PTGFRN: variants seen among roughly 807,000 people sequenced by gnomAD.
PTGFRN encodes the protein prostaglandin F2 receptor inhibitor.
PTGFRN carries 35 observed loss-of-function variants against 83.2 expected under a neutral mutation model. The observed-to-expected ratio is 0.42, with a 90% CI of 0.32 to 0.56. PTGFRN has a LOEUF of 0.56. Ranked by LOEUF, PTGFRN falls within the 20% of genes least tolerant of loss-of-function variation. The pLI is 0.11. For missense variants in PTGFRN, 1,051 were observed against 1,179.5 expected, an observed-to-expected ratio of 0.89 and a Z score of 1.60; for synonymous variants, 519 against 498.6, an observed-to-expected ratio of 1.04 and a Z score of -0.55.
intron 5 of PTGFRN, chr1:116,962,221 TC>T (rs1163691377): frequency 6.5e-6 from 1 of 153,076 alleles, no homozygotes; most frequent in African/African-American, 2.4e-5. Context: ...GCCTCCTAGG[TC>T]CTCCGTTCAT....
chr1:116,945,385 C>G (rs1557739053), intron 3 of PTGFRN, among the ~76,000 whole-genome samples: 1 of 152,168 alleles, frequency 6.6e-6, no homozygotes, highest in East Asian at 1.9e-4. Flanking sequence ...ATCTTTCACT[C>G]AGAGTTGAGG....
Position 116,968,387 on chromosome 1 carries a change from A to G in PTGFRN, c.2059+1057A>G, listed in dbSNP as rs191793471. On this transcript the variant is annotated intron_variant, in intron 6 of 8. Transcript: ENST00000393203. ...TCTATTAATATTATTTTCTATTATTATAGCCTTTTATGGTATATAATATAT... is the reference window on the plus strand; with the variant it reads ...TCTATTAATATTATTTTCTATTATTGTAGCCTTTTATGGTATATAATATAT... Among the ~76,000 whole-genome samples the G allele has an allele frequency of 2.0e-4, 31 of 152,146 alleles. No individual in the cohort carries two copies. In the East Asian group the frequency reaches 5.4e-3, roughly 27 times the overall value.
At chr1:116,948,564 T>C (rs563234339) in intron 3 of PTGFRN, among the ~76,000 whole-genome samples, 3 of 152,348 alleles carry the variant, frequency 2.0e-5, no homozygotes, top group African/African-American at 4.8e-5. Flanking sequence ...CCCTTCTGTT[T>C]AGGATTTTTC....
At chr1:116,933,259 G>A (rs779819522) in intron 1 of PTGFRN, among the ~76,000 whole-genome samples, 2 of 148,526 alleles carry the variant, frequency 1.3e-5, no homozygotes, top group Non-Finnish European at 3.0e-5. Flanking sequence ...CAATTAGCTT[G>A]TTATTCAGTC....
Position 116,961,169 on chromosome 1 carries a change from C to T in PTGFRN, c.1214-74C>T, listed in dbSNP as rs768514513. Reference sequence around the variant, plus strand: ...TTGTTAAAACAAGAGCAGTCCTTGTCTCATTCCTTTTGTTAATTCTTGCCA... The same window carrying T: ...TTGTTAAAACAAGAGCAGTCCTTGTTTCATTCCTTTTGTTAATTCTTGCCA... On this transcript the variant is annotated intron_variant, in intron 4 of 8. Transcript: ENST00000393203. This position sits in a 1 kb window ranked among gnomAD's most constrained non-coding sequence, Gnocchi z 5.4. 3.5e-6 allele frequency: 5 copies of T among 1,425,098 alleles called. No homozygotes were observed. Among genetic ancestry groups the T allele is most frequent in the Non-Finnish European group, 4.7e-6 (5 of 1,065,316 alleles). 88.3% of individuals were successfully genotyped at this position (1,425,098 alleles called of 1,614,324 possible).
chr1:116,952,585 GTTA>G lies in PTGFRN; in HGVS notation c.1213+3018_1213+3020del, dbSNP rs1650378794. ...ATTGCAAGGTGGTTGGTATGAATTA[GTTA>G]TTATATTTGAGCACTGAATTTGCCT... On this transcript the variant is annotated intron_variant, in intron 4 of 8. Transcript: ENST00000393203. The surrounding 1 kb of genome is among the most constrained non-coding windows in gnomAD (Gnocchi z 4.0). 7.0e-6 allele frequency among the ~76,000 whole-genome samples: 1 copy of G among 142,286 alleles called. No individual in the cohort carries two copies. The highest frequency in any genetic ancestry group is 1.5e-5 in the Non-Finnish European group (1 of 65,326). 93.3% of individuals were successfully genotyped at this position (142,286 alleles called of 152,430 possible).
chr1:116,911,394 G>C (rs1304453023), intron 1 of PTGFRN, among the ~76,000 whole-genome samples: 1 of 152,188 alleles, frequency 6.6e-6, no homozygotes, highest in African/African-American at 2.4e-5. Context: ...TTCCAGAGGA[G>C]GCCTTCTATA....
chr1:116,989,711 A>G lies in PTGFRN; in HGVS notation c.*2744A>G, dbSNP rs1651654293. 2 of 152,468 alleles carry G rather than the reference A, an allele frequency of 1.3e-5. 1 individual carries two copies. Among genetic ancestry groups the G allele is most frequent in the Admixed American group, 1.3e-4 (2 of 15,264 alleles). 9.4% of individuals were successfully genotyped at this position (152,468 alleles called of 1,614,324 possible). ...ATGTTTACATACACGTTTCACTTTG[A>G]AAAAAAATGCAAATCGACTTTTTAA... On this transcript the variant is annotated 3_prime_UTR_variant, in exon 9 of 9. Coordinates refer to ENST00000393203, the MANE Select transcript of PTGFRN (RefSeq NM_020440.4).
chr1:116,944,243 A>C (rs1214247343), intron 2 of PTGFRN, among the ~76,000 whole-genome samples: 1 of 152,228 alleles, frequency 6.6e-6, no homozygotes, highest in Non-Finnish European at 1.5e-5. Flanking sequence ...AATGTTTGAC[A>C]GTCATACCCA....
intron 2 of PTGFRN, among the ~76,000 whole-genome samples, chr1:116,943,054 G>C (rs1439067285): frequency 1.3e-5 from 2 of 152,096 alleles, no homozygotes; most frequent in African/African-American, 2.4e-5. Flanking sequence ...GTTCCCAAAA[G>C]GATTTATGTC....
At chr1:116,947,175 A>G (rs1393789894) in intron 3 of PTGFRN, among the ~76,000 whole-genome samples, 1 of 152,216 alleles carries the variant, frequency 6.6e-6, no homozygotes, top group African/African-American at 2.4e-5. Flanking sequence ...TGCACTATCC[A>G]TAGCTGGCTG....
rs1462373600 is a variant in PTGFRN at position 116,961,898 on chromosome 1, G to A, written c.1639+230G>A. On this transcript the variant is annotated intron_variant, in intron 5 of 8. Coordinates refer to ENST00000393203, the MANE Select transcript of PTGFRN (RefSeq NM_020440.4). This position sits in a 1 kb window ranked among gnomAD's most constrained non-coding sequence, Gnocchi z 5.4. ...CTCCAACTCACTGTCAATCAGCCAA[G>A]TCTCTTGTTTCCTGAACTTTACCTC... Among the ~76,000 whole-genome samples, 3 of 152,118 alleles carry A rather than the reference G, an allele frequency of 2.0e-5. No individual in the cohort carries two copies. Among genetic ancestry groups the A allele is most frequent in the Non-Finnish European group, 4.4e-5 (3 of 68,026 alleles).
In PTGFRN at chr1:116,984,821, G is replaced by A. The variant is rs567066929; in HGVS notation, c.2309G>A (p.Arg770His). 3.4e-5 allele frequency: 55 copies of A among 1,614,126 alleles called. No homozygotes were observed. The Middle Eastern group carries it at 8.2e-4, about 24-fold the overall frequency. Residue 770 changes from arginine to histidine, a missense_variant, in exon 8 of 9, where the codon CGC becomes CAC. This residue lies in a region of PTGFRN where 719 missense variants were observed against 836.6 expected (regional missense o/e 0.86). Transcript: ENST00000393203. ...RDWKSDLSLE[R>H]VSVLEFLLQV... ...TGGAAGAGCGACCTCAGCCTGGAGC[G>A]CGTGAGTGTGCTGGAATTCTTGCTG... is the stretch of plus-strand genomic sequence containing the variant.
chr1:116,970,618 A>G (rs963570643), intron 6 of PTGFRN, among the ~76,000 whole-genome samples: 1 of 152,194 alleles, frequency 6.6e-6, no homozygotes, highest in Non-Finnish European at 1.5e-5. Context: ...TGTAGCTTCC[A>G]GGTTGAATAG....
chr1:116,910,049 A>C lies in PTGFRN; in HGVS notation c.-155A>C. On this transcript the variant is annotated 5_prime_UTR_variant, in exon 1 of 9. Coordinates refer to ENST00000393203, the MANE Select transcript of PTGFRN (RefSeq NM_020440.4). ...GGAGCCAGGGGCGCACGTACGCCCC[A>C]GCGCTGGGATTTATCGGCTCGCGAG... The C allele has an allele frequency of 2.5e-6, 2 of 815,616 alleles. No individual in the cohort carries two copies. The highest frequency in any genetic ancestry group is 2.0e-6 in the Non-Finnish European group (1 of 505,710). 50.5% of individuals were successfully genotyped at this position (815,616 alleles called of 1,614,324 possible).
At chr1:116,965,267 A>G (rs1029394004) in intron 5 of PTGFRN, among the ~76,000 whole-genome samples, 2 of 151,738 alleles carry the variant, frequency 1.3e-5, no homozygotes, top group African/African-American at 4.8e-5. Flanking sequence ...GGTCCTTTTT[A>G]TTTATTTTAT....
chr1:116,945,603 C>T (rs1255993501), intron 3 of PTGFRN, among the ~76,000 whole-genome samples: 1 of 152,134 alleles, frequency 6.6e-6, no homozygotes. Context: ...CTTTCGGTCC[C>T]CTCAGATGTG....
In PTGFRN at chr1:116,973,581, C is replaced by T. The variant is rs7518692; in HGVS notation, c.2060-635C>T. On this transcript the variant is annotated intron_variant, in intron 6 of 8. Coordinates refer to ENST00000393203, the MANE Select transcript of PTGFRN (RefSeq NM_020440.4). ...GATCACACTACTGCACTCCAGCCTG[C>T]GTGACAGAGCAAGACTCAATCTCAA... Among the ~76,000 whole-genome samples, 857 of 140,758 alleles carry T rather than the reference C, an allele frequency of 6.1e-3. 4 individuals carry two copies. The highest frequency in any genetic ancestry group is 8.2e-3 in the Non-Finnish European group (543 of 66,226). The allele number at this position is 140,758 out of a possible 152,430, so 92.3% of individuals were successfully genotyped here.
Position 116,986,925 on chromosome 1 carries a change from A to T in PTGFRN, c.2598A>T (p.Thr866=). The T allele has an allele frequency of 6.2e-7, 1 of 1,614,222 alleles. No homozygotes were observed. Residue 866 remains threonine (T), a synonymous_variant, in exon 9 of 9, where the codon ACA becomes ACT. Transcript: ENST00000393203. ...GTTGTAAGAAGGAGGTTCAGGAGACACGGCGCGAGCGCCGCAGGCTCATGT... is the reference window on the plus strand; with the variant it reads ...GTTGTAAGAAGGAGGTTCAGGAGACTCGGCGCGAGCGCCGCAGGCTCATGT... ...HWCCKKEVQE[T]RRERRRLMSM... is the part of the protein sequence containing the mutation.
Sources: gnomAD v4.1 joint callset for allele counts (sites outside exome capture counted in the v4.1 genomes callset) on GRCh38, gnomAD v4.1.1 for gene constraint, gnomAD v4.1.1 regional missense constraint, Gnocchi (gnomAD v3.1) non-coding constraint, MANE v1.5 for transcripts, NCBI Gene and HGNC (gene_info 2026-07-23, HGNC 2026-07-21) for gene names.